The following TECRL variants were observed in gnomAD, a reference collection of about 807,000 sequenced individuals.
The protein encoded by TECRL is trans-2,3-enoyl-CoA reductase like, also known as trans-2,3-enoyl-CoA reductase-like.
Under a neutral mutation model 52.8 loss-of-function variants are expected in TECRL, and 63 were observed. The ratio of observed to expected loss-of-function variants is 1.19; its 90% confidence interval spans 0.97 to 1.47. The LOEUF (loss-of-function observed/expected upper bound fraction) is 1.47. TECRL is among the 40% of genes most tolerant of loss of function. TECRL has a pLI of 0.00. For synonymous variants in TECRL, 164 were observed against 141.9 expected (o/e 1.16, Z -1.10); for missense variants, 482 against 429.6 (o/e 1.12, Z -1.08).
chr4:64,281,146 TG>T (rs1242202732), intron 10 of TECRL, 60 bp from the exon 11 acceptor site: 1 of 1,401,144 alleles, frequency 7.1e-7, no homozygotes, highest in East Asian at 2.3e-5. Flanking sequence ...TTTGTTCATT[TG>T]TGGCTTTAAC....
chr4:64,339,843 A>C (rs1488975522), intron 2 of TECRL, among the ~76,000 whole-genome samples: 1 of 152,152 alleles, frequency 6.6e-6, no homozygotes, highest in Non-Finnish European at 1.5e-5. Flanking sequence ...ATTTTCCAAG[A>C]ATTATTCTAC....
At chr4:64,379,208 A>T (rs1722606048) in intron 1 of TECRL, among the ~76,000 whole-genome samples, 2 of 150,582 alleles carry the variant, frequency 1.3e-5, no homozygotes. Context: ...AGCCTAAAAC[A>T]TTACTGGTCT....
At chr4:64,282,071 A>G (rs998618131) in intron 9 of TECRL, among the ~76,000 whole-genome samples, 1 of 151,920 alleles carries the variant, frequency 6.6e-6, no homozygotes, top group African/African-American at 2.4e-5. Flanking sequence ...CACCTCTAAT[A>G]AAAGGATTAC....
intron 2 of TECRL, among the ~76,000 whole-genome samples, chr4:64,355,743 C>T (rs1274830858): frequency 2.7e-5 from 4 of 146,294 alleles, no homozygotes; most frequent in Admixed American, 7.0e-5. Flanking sequence ...TGCAGTGAGC[C>T]GAGACTGCAC....
chr4:64,283,850 A>G (rs147819748), intron 9 of TECRL, among the ~76,000 whole-genome samples: 1 of 152,190 alleles, frequency 6.6e-6, no homozygotes, highest in Non-Finnish European at 1.5e-5. Context: ...ATGAAAGTTG[A>G]GCACATCCTT....
At chr4:64,387,862 A>G (rs1349070870) in intron 1 of TECRL, among the ~76,000 whole-genome samples, 1 of 151,962 alleles carries the variant, frequency 6.6e-6, no homozygotes, top group Non-Finnish European at 1.5e-5. Context: ...TTGCACAAGT[A>G]TGATAAATTT....
chr4:64,345,889 T>G (rs969930812), intron 2 of TECRL, among the ~76,000 whole-genome samples: 5 of 60,788 alleles, frequency 8.2e-5, no homozygotes, highest in African/African-American at 2.1e-4. Flanking sequence ...AACCCAACAC[T>G]GATGGGTGCC....
chr4:64,278,654 A>C lies in TECRL; in HGVS notation c.*1418T>G, dbSNP rs1409036283. 1.3e-5 allele frequency: 2 copies of C among 152,250 alleles called. No homozygotes were observed. Among genetic ancestry groups the C allele is most frequent in the Non-Finnish European group, 2.9e-5 (2 of 68,100 alleles). 9.4% of individuals were successfully genotyped at this position (152,250 alleles called of 1,614,324 possible). ...TTAGCTATTTGAAACTAAATGGAAT[A>C]TAATGTTCTTAACTATAGTCGTCCT... is the stretch of plus-strand genomic sequence containing the variant. On this transcript the variant is annotated 3_prime_UTR_variant, in exon 12 of 12. Coordinates refer to ENST00000381210, the MANE Select transcript of TECRL (RefSeq NM_001010874.5).
chr4:64,398,166 C>G (rs1344339405), intron 1 of TECRL, among the ~76,000 whole-genome samples: 3 of 151,840 alleles, frequency 2.0e-5, no homozygotes. Flanking sequence ...GTATCTATGT[C>G]CTAATTTATT....
intron 7 of TECRL, among the ~76,000 whole-genome samples, chr4:64,300,391 A>T (rs1020041955): frequency 6.6e-6 from 1 of 150,846 alleles, no homozygotes; most frequent in Non-Finnish European, 1.5e-5. Context: ...GAAAATGCTG[A>T]TTATAGTCAT....
chr4:64,401,501 ATTTC>A (rs990144177), intron 1 of TECRL, among the ~76,000 whole-genome samples: 21 of 152,130 alleles, frequency 1.4e-4, no homozygotes, highest in African/African-American at 5.1e-4. Flanking sequence ...TCATAACTAA[ATTTC>A]TTTTACATAA....
chr4:64,314,905 C>T lies in TECRL; in HGVS notation c.436-142G>A, dbSNP rs554900602. The T allele has an allele frequency of 1.4e-4, 92 of 647,120 alleles. No individual in the cohort carries two copies. The African/African-American group carries it at 1.5e-3, about 10-fold the overall frequency. The allele number at this position is 647,120 out of a possible 1,614,324, so 40.1% of individuals were successfully genotyped here. A position where few individuals can be genotyped will look rare whatever the true frequency, so the allele number is the denominator to read the frequency against. On this transcript the variant is annotated intron_variant, in intron 4 of 11. Transcript: ENST00000381210. The stretch of plus-strand genomic sequence containing the variant: ...CTAGATTAAGTGATATTGCAAATAA[C>T]GACTTCCTTGGAAGAACCAGGGGGA...
intron 1 of TECRL, among the ~76,000 whole-genome samples, chr4:64,382,083 G>T (rs1466644483): frequency 6.6e-6 from 1 of 151,096 alleles, no homozygotes; most frequent in Non-Finnish European, 1.5e-5. Context: ...TCTTTGTTGA[G>T]AGATGTTTTA....
chr4:64,294,378 T>G (rs1027149212), intron 8 of TECRL, among the ~76,000 whole-genome samples: 5 of 152,312 alleles, frequency 3.3e-5, no homozygotes, highest in African/African-American at 9.6e-5. Flanking sequence ...GCTAAAATGT[T>G]CCTAACACTA....
intron 2 of TECRL, among the ~76,000 whole-genome samples, chr4:64,333,301 A>C (rs555378972): frequency 5.9e-5 from 9 of 152,244 alleles, no homozygotes; most frequent in Non-Finnish European, 1.0e-4. Context: ...AACACTATTG[A>C]AAGAAAATGT....
intron 4 of TECRL, among the ~76,000 whole-genome samples, chr4:64,316,628 A>C (rs1717510983): frequency 6.6e-6 from 1 of 152,164 alleles, no homozygotes; most frequent in Non-Finnish European, 1.5e-5. Flanking sequence ...AAGGGAAATA[A>C]AACAAAATCA....
At chr4:64,281,235 C>T (rs986949496) in intron 10 of TECRL, 149 bp from the exon 11 acceptor site, 20 of 572,850 alleles carry the variant, frequency 3.5e-5, no homozygotes, top group African/African-American at 3.4e-4. Context: ...TTAATTTTTA[C>T]ATATAAAGTC....
At chr4:64,364,520 A>C (rs1256085160) in intron 2 of TECRL, among the ~76,000 whole-genome samples, 1 of 152,060 alleles carries the variant, frequency 6.6e-6, no homozygotes, top group South Asian at 2.1e-4. Flanking sequence ...TAGCTAGATA[A>C]TGAAGAACAA....
chr4:64,292,941 A>C (rs1723472516), intron 8 of TECRL, among the ~76,000 whole-genome samples: 1 of 152,090 alleles, frequency 6.6e-6, no homozygotes, highest in African/African-American at 2.4e-5. Flanking sequence ...GATAAATAAA[A>C]AAAATTTAAA....
Sources: gnomAD v4.1 joint callset for allele counts (sites outside exome capture counted in the v4.1 genomes callset) on GRCh38, gnomAD v4.1.1 for gene constraint, MANE v1.5 for transcripts, NCBI Gene and HGNC (gene_info 2026-07-23, HGNC 2026-07-21) for gene names.